Variants in KCNG2 observed in about 807,000 individuals in gnomAD.
The protein encoded by KCNG2 is voltage-gated potassium channel regulatory subunit KCNG2.
KCNG2 carries 7 observed loss-of-function variants against 12.3 expected under a neutral mutation model. That is an observed-to-expected ratio of 0.57 (90% CI 0.32 to 1.07). The LOEUF is 1.07. KCNG2 is among the 50% of genes least tolerant of loss of function. The probability of loss-of-function intolerance (pLI) is 0.04; values close to 1 mark genes in which losing one functional copy is unlikely to be tolerated. For synonymous variants in KCNG2, 414 were observed against 351.4 expected (o/e 1.18, Z -1.99); for missense variants, 703 against 726.0 (o/e 0.97, Z 0.36).
intron 1 of KCNG2, among the ~76,000 whole-genome samples, chr18:79,808,262 G>A (rs868657258): frequency 0.027 from 303 of 11,108 alleles, 20 homozygotes; most frequent in Middle Eastern, 0.18. Flanking sequence ...AGCTGCCGGG[G>A]ACACACTGAC....
chr18:79,875,341 C>T (rs986632522), intron 3 of KCNG2, among the ~76,000 whole-genome samples: 4 of 152,160 alleles, frequency 2.6e-5, no homozygotes, highest in African/African-American at 9.7e-5. Flanking sequence ...GGAGCACAGG[C>T]GGCCCTGGGC....
intron 1 of KCNG2, among the ~76,000 whole-genome samples, chr18:79,825,085 T>C (rs1399643945): frequency 4.2e-5 from 1 of 23,930 alleles, no homozygotes; most frequent in Non-Finnish European, 7.0e-3. Flanking sequence ...CTGTCGGGGC[T>C]TAGTGCTTTG....
chr18:79,816,710 C>T (rs1033871852), intron 1 of KCNG2, among the ~76,000 whole-genome samples: 7 of 152,230 alleles, frequency 4.6e-5, no homozygotes, highest in African/African-American at 1.4e-4. Flanking sequence ...ACGATGTTCT[C>T]GCCGACCTGG....
chr18:79,897,397 T>C (rs889617923), intron 3 of KCNG2, among the ~76,000 whole-genome samples: 1 of 152,252 alleles, frequency 6.6e-6, no homozygotes, highest in African/African-American at 2.4e-5. Context: ...ATTGCACTTT[T>C]CAATTCCAGA....
At chr18:79,805,168 CAA>C (rs894707369) in intron 1 of KCNG2, among the ~76,000 whole-genome samples, 1 of 152,146 alleles carries the variant, frequency 6.6e-6, no homozygotes, top group African/African-American at 2.4e-5. Context: ...TGCATATCGT[CAA>C]AAGTTAGAAA....
At chr18:79,807,609 TG>T (rs1422739100) in intron 1 of KCNG2, among the ~76,000 whole-genome samples, 1 of 152,174 alleles carries the variant, frequency 6.6e-6, no homozygotes, top group African/African-American at 2.4e-5. Context: ...CTCTCACGCC[TG>T]GGCCAGCCCT....
intron 3 of KCNG2, among the ~76,000 whole-genome samples, chr18:79,883,152 G>A (rs1234204839): frequency 6.6e-6 from 1 of 152,194 alleles, no homozygotes; most frequent in Non-Finnish European, 1.5e-5. Flanking sequence ...GAATGGGCTC[G>A]CAGGGCCTGA....
chr18:79,833,053 A>G (rs1470881613), intron 1 of KCNG2, among the ~76,000 whole-genome samples: 2 of 152,180 alleles, frequency 1.3e-5, no homozygotes, highest in Non-Finnish European at 2.9e-5. Context: ...AAATTTGTAT[A>G]ATTTTTTCTT....
chr18:79,798,770 G>T (rs940401847), intron 1 of KCNG2, among the ~76,000 whole-genome samples: 6 of 152,202 alleles, frequency 3.9e-5, no homozygotes, highest in Non-Finnish European at 8.8e-5. Flanking sequence ...CACTGGGGAC[G>T]AGAAGGGTCC....
At chr18:79,882,766 A>C (rs1980351727) in intron 3 of KCNG2, among the ~76,000 whole-genome samples, 1 of 146,600 alleles carries the variant, frequency 6.8e-6, no homozygotes, top group Non-Finnish European at 1.6e-5. Flanking sequence ...TGGAGCGCGG[A>C]GGCCGGGTAC....
chr18:79,866,809 T>TGCTGAG (rs1201482730), intron 3 of KCNG2, among the ~76,000 whole-genome samples: 1 of 108,130 alleles, frequency 9.2e-6, no homozygotes. Context: ...GAGGTCTGTG[T>TGCTGAG]GTCTGTGTGC....
intron 3 of KCNG2, among the ~76,000 whole-genome samples, chr18:79,894,190 CTG>C (rs1980857261): frequency 6.6e-6 from 1 of 151,966 alleles, no homozygotes; most frequent in Non-Finnish European, 1.5e-5. Flanking sequence ...ATAGTTGGGT[CTG>C]TGTCTGCTTT....
In KCNG2 at chr18:79,822,847, G is replaced by T. The variant is rs565435376; in HGVS notation, c.-115+24833G>T. 8.9e-4 allele frequency among the ~76,000 whole-genome samples: 135 copies of T among 152,332 alleles called. No individual in the cohort carries two copies. Among genetic ancestry groups the T allele is most frequent in the Non-Finnish European group, 1.8e-4 (12 of 68,042 alleles). On this transcript the variant is annotated intron_variant, in intron 1 of 3. Coordinates refer to ENST00000316249, the MANE Select transcript of KCNG2 (RefSeq NM_012283.2). This position sits in a 1 kb window ranked among gnomAD's most constrained non-coding sequence, Gnocchi z 4.4. ...TCCACAATTACCTGGGAGAGCCCTT[G>T]TCTCCCCACGCTTCCGTGGGGTTGT...
Position 79,800,314 on chromosome 18 carries a change from T to C in KCNG2, c.-115+2300T>C, listed in dbSNP as rs1413626687. Among the ~76,000 whole-genome samples, 1 of 151,594 alleles carries C rather than the reference T, an allele frequency of 6.6e-6. No homozygotes were observed. The highest frequency in any genetic ancestry group is 1.9e-4 in the East Asian group (1 of 5,130). On this transcript the variant is annotated intron_variant, in intron 1 of 3. Transcript: ENST00000316249. The surrounding 1 kb of genome is among the most constrained non-coding windows in gnomAD (Gnocchi z 4.0). ...CACGGATGGGTAATTTTGTAATGAA[T>C]GGGGATATCTTAGGGCTAACGCTTG...
intron 3 of KCNG2, among the ~76,000 whole-genome samples, chr18:79,887,588 T>G (rs1324217506): frequency 6.6e-6 from 1 of 152,158 alleles, no homozygotes; most frequent in Non-Finnish European, 1.5e-5. Flanking sequence ...GCATCAGGGT[T>G]TCAAACCCGC....
chr18:79,851,753 A>ATGTG (rs1486422536), intron 1 of KCNG2, among the ~76,000 whole-genome samples: 3 of 30,128 alleles, frequency 1.0e-4, no homozygotes, highest in Non-Finnish European at 4.4e-4. Flanking sequence ...GTGTGAATGT[A>ATGTG]TGTGTGTGTG....
At chr18:79,890,652 G>A (rs1483236337) in intron 3 of KCNG2, among the ~76,000 whole-genome samples, 3 of 152,238 alleles carry the variant, frequency 2.0e-5, no homozygotes, top group Non-Finnish European at 2.9e-5. Context: ...TTCTGTGGCT[G>A]TGGATATTCT....
chr18:79,843,078 G>A (rs749304494), intron 1 of KCNG2, among the ~76,000 whole-genome samples: 1 of 152,044 alleles, frequency 6.6e-6, no homozygotes, highest in African/African-American at 2.4e-5. Flanking sequence ...CAAAAGTCAA[G>A]GACAATGAGA....
chr18:79,846,035 G>A (rs1978612556), intron 1 of KCNG2, among the ~76,000 whole-genome samples: 1 of 149,310 alleles, frequency 6.7e-6, no homozygotes, highest in Non-Finnish European at 1.5e-5. Context: ...AGCTTGCAGT[G>A]ACCTGAGATG....
Sources: gnomAD v4.1 joint callset for allele counts (sites outside exome capture counted in the v4.1 genomes callset) on GRCh38, gnomAD v4.1.1 for gene constraint, Gnocchi (gnomAD v3.1) non-coding constraint, MANE v1.5 for transcripts, NCBI Gene and HGNC (gene_info 2026-07-23, HGNC 2026-07-21) for gene names.